HMX3: variants seen among roughly 807,000 people sequenced by gnomAD.
HMX3 encodes the protein H6 family homeobox 3, also known as homeobox protein HMX3.
A neutral mutation model predicts 22.8 loss-of-function variants in HMX3; 8 were observed. That is an observed-to-expected ratio of 0.35 (90% CI 0.21 to 0.63). The LOEUF (loss-of-function observed/expected upper bound fraction) is 0.63. HMX3 is among the 30% of genes least tolerant of loss of function. The pLI is 0.72. For missense variants in HMX3, 527 were observed against 520.6 expected (o/e 1.01, Z -0.12); for synonymous variants, 331 against 250.9 (o/e 1.32, Z -3.02).
At position 123,136,254 on chromosome 10, in the gene HMX3, C is replaced by A; in HGVS notation, c.204C>A (p.Ala68=). 3 of 1,359,076 alleles carry A rather than the reference C, an allele frequency of 2.2e-6. No homozygotes were observed. Among genetic ancestry groups the A allele is most frequent in the South Asian group, 2.1e-5 (1 of 48,546 alleles). 84.2% of individuals were successfully genotyped at this position (1,359,076 alleles called of 1,614,324 possible). A position where few individuals can be genotyped will look rare whatever the true frequency, so the allele number is the denominator to read the frequency against. Residue 68 remains alanine, a synonymous_variant, in exon 1 of 2, where the codon GCC becomes GCA. Transcript: ENST00000357878. The surrounding 1 kb of genome is among the most constrained non-coding windows in gnomAD (Gnocchi z 4.8). ...CGGCTGCCGCCGCCGCCGCCGCTGCCGCTGCCGCGGCGGCCAAGGGGGCCC... is the reference window on the plus strand; with the variant it reads ...CGGCTGCCGCCGCCGCCGCCGCTGCAGCTGCCGCGGCGGCCAAGGGGGCCC... ...PASAAAAAAA[A]AAAAAKGALE...
At position 123,138,998 on chromosome 10, in the gene HMX3, C is replaced by T. The variant is rs1480873480; in HGVS notation, c.*1267C>T. Among the ~76,000 whole-genome samples, 1 of 152,056 alleles carries T rather than the reference C, an allele frequency of 6.6e-6. No individual in the cohort carries two copies. The highest frequency in any genetic ancestry group is 1.5e-5 in the Non-Finnish European group (1 of 68,024). On this transcript the variant is annotated 3_prime_UTR_variant, in exon 2 of 2. Transcript: ENST00000357878. ...CTGAGAAAGCTGTTTCCTCCTCCAC[C>T]GTGGGAAACAGACCTTTTCACTGTA... is the stretch of plus-strand genomic sequence containing the variant.
Position 123,137,762 on chromosome 10 carries a change from G to C in HMX3, c.*31G>C. The C allele has an allele frequency of 1.4e-6, 2 of 1,398,648 alleles. No homozygotes were observed. The highest frequency in any genetic ancestry group is 9.3e-7 in the Non-Finnish European group (1 of 1,076,974). 86.6% of individuals were successfully genotyped at this position (1,398,648 alleles called of 1,614,324 possible). A position where few individuals can be genotyped will look rare whatever the true frequency, so the allele number is the denominator to read the frequency against. On this transcript the variant is annotated 3_prime_UTR_variant, in exon 2 of 2. Transcript: ENST00000357878. The surrounding 1 kb of genome is among the most constrained non-coding windows in gnomAD (Gnocchi z 5.8). ...CAGAGGGGTGGGGGAGGGAGCGCCC[G>C]GCCTCCTTGTCCGGACCCCGGAGGA...
Position 123,138,479 on chromosome 10 carries a change from A to C in HMX3, c.*748A>C, listed in dbSNP as rs1844103045. ...ATTCCTTTTCTATAGAACTGTTTTC[A>C]GAATCCAGAGAGGGAGAGAATTCAT... On this transcript the variant is annotated 3_prime_UTR_variant, in exon 2 of 2. Transcript: ENST00000357878. Among the ~76,000 whole-genome samples the C allele has an allele frequency of 6.6e-6, 1 of 152,210 alleles. No homozygotes were observed. Among genetic ancestry groups the C allele is most frequent in the Admixed American group, 6.5e-5 (1 of 15,292 alleles).
rs56771180 is a variant in HMX3, at chr10:123,137,838, G to A, written c.*107G>A. 0.012 allele frequency: 9,183 copies of A among 767,442 alleles called. 799 individuals are homozygous for A. In the East Asian group the frequency reaches 0.21, roughly 18 times the overall value. The allele number at this position is 767,442 out of a possible 1,614,324, so 47.5% of individuals were successfully genotyped here. A position where few individuals can be genotyped will look rare whatever the true frequency, so the allele number is the denominator to read the frequency against. On this transcript the variant is annotated 3_prime_UTR_variant, in exon 2 of 2. Transcript: ENST00000357878. This position sits in a 1 kb window ranked among gnomAD's most constrained non-coding sequence, Gnocchi z 5.8. ...GAAGTCCAGCGGCCTTCAGGAACTG[G>A]GGCTTGGGCGCGCAGCCTCTGCTTC...
Position 123,137,141 on chromosome 10 carries a change from C to A in HMX3, c.484C>A (p.Pro162Thr). ...TCCGGAGCCACTGCTCAAGGCCGAC[C>A]CCGATCACAAGGAGCTGGACTCCAA... ...DSPEPLLKAD[P>T]DHKELDSKSP... Residue 162 changes from proline to threonine, a missense_variant, in exon 2 of 2, where the codon CCC becomes ACC. Around this residue, in one of 3 missense-constraint regions of HMX3, gnomAD observed 386 missense variants for 337.8 expected, o/e 1.14. Coordinates refer to ENST00000357878, the MANE Select transcript of HMX3 (RefSeq NM_001105574.2). This position sits in a 1 kb window ranked among gnomAD's most constrained non-coding sequence, Gnocchi z 5.8. 1 of 1,608,452 alleles carries A rather than the reference C, an allele frequency of 6.2e-7. No individual in the cohort carries two copies. Among genetic ancestry groups the A allele is most frequent in the Non-Finnish European group, 8.5e-7 (1 of 1,177,698 alleles).
rs750727543 is a variant in HMX3, at chr10:123,137,327, G to T, written c.670G>T (p.Ala224Ser). ...KGAESPEKKPACRKKKTRTVF... is the reference protein window; with the variant it reads ...KGAESPEKKPSCRKKKTRTVF... ...CGCTGAAAGTCCAGAGAAGAAGCCGGCGTGCCGCAAGAAGAAGACGCGCAC... is the reference window on the plus strand; with the variant it reads ...CGCTGAAAGTCCAGAGAAGAAGCCGTCGTGCCGCAAGAAGAAGACGCGCAC... The change falls in exon 2 of 2, where the codon GCG becomes TCG. Residue 224 changes from alanine (A) to serine (S), a missense_variant. Transcript: ENST00000357878. This position sits in a 1 kb window ranked among gnomAD's most constrained non-coding sequence, Gnocchi z 5.8. The T allele has an allele frequency of 6.2e-7, 1 of 1,611,054 alleles. No homozygotes were observed. Among genetic ancestry groups the T allele is most frequent in the South Asian group, 1.1e-5 (1 of 90,790 alleles).
In HMX3 at chr10:123,137,848, G is replaced by T; in HGVS notation, c.*117G>T. 1.5e-6 allele frequency: 1 copy of T among 682,696 alleles called. No homozygotes were observed. Among genetic ancestry groups the T allele is most frequent in the Non-Finnish European group, 2.2e-6 (1 of 445,878 alleles). The allele number at this position is 682,696 out of a possible 1,614,324, so 42.3% of individuals were successfully genotyped here. On this transcript the variant is annotated 3_prime_UTR_variant, in exon 2 of 2. Transcript: ENST00000357878. This position sits in a 1 kb window ranked among gnomAD's most constrained non-coding sequence, Gnocchi z 5.8. ...GGCCTTCAGGAACTGGGGCTTGGGC[G>T]CGCAGCCTCTGCTTCCCCTCCCCCA...
At position 123,136,975 on chromosome 10, in the gene HMX3, G is replaced by A; in HGVS notation, c.401-83G>A. ...TGGGACCTGGAGGCCGGCGCGGGTT[G>A]AGCCTGCCGTCCCCAGGCGCCGGGC... On this transcript the variant is annotated intron_variant, in intron 1 of 1. Coordinates refer to ENST00000357878, the MANE Select transcript of HMX3 (RefSeq NM_001105574.2). This position sits in a 1 kb window ranked among gnomAD's most constrained non-coding sequence, Gnocchi z 4.8. 1 of 1,447,512 alleles carries A rather than the reference G, an allele frequency of 6.9e-7. No homozygotes were observed. The highest frequency in any genetic ancestry group is 9.1e-7 in the Non-Finnish European group (1 of 1,094,818). The allele number at this position is 1,447,512 out of a possible 1,614,324, so 89.7% of individuals were successfully genotyped here.
At position 123,136,117 on chromosome 10, in the gene HMX3, C is replaced by A. The variant is rs201289648; in HGVS notation, c.67C>A (p.Pro23Thr). Residue 23 changes from proline to threonine, a missense_variant, in exon 1 of 2, where the codon CCA becomes ACA. Transcript: ENST00000357878. The surrounding 1 kb of genome is among the most constrained non-coding windows in gnomAD (Gnocchi z 4.8). ...ACAGCCCCAACCGCCGCCGCCCCCC[C>A]CACCCGCTCCCAAGGAGTCCCCGTT... ...SAQPQPPPPP[P>T]PAPKESPFSI... 85 of 1,376,570 alleles carry A rather than the reference C, an allele frequency of 6.2e-5. No individual in the cohort carries two copies. Among genetic ancestry groups the A allele is most frequent in the Admixed American group, 7.6e-5 (2 of 26,348 alleles). 85.3% of individuals were successfully genotyped at this position (1,376,570 alleles called of 1,614,324 possible). A position where few individuals can be genotyped will look rare whatever the true frequency, so the allele number is the denominator to read the frequency against.
chr10:123,136,953 G>C lies in HMX3; in HGVS notation c.401-105G>C. 8 of 1,358,332 alleles carry C rather than the reference G, an allele frequency of 5.9e-6. No individual in the cohort carries two copies. Among genetic ancestry groups the C allele is most frequent in the Non-Finnish European group, 7.8e-6 (8 of 1,019,322 alleles). 84.1% of individuals were successfully genotyped at this position (1,358,332 alleles called of 1,614,324 possible). The stretch of plus-strand genomic sequence containing the variant: ...GGAATGGTGAGGCCTCATGGCCTGG[G>C]ACCTGGAGGCCGGCGCGGGTTGAGC... On this transcript the variant is annotated intron_variant, in intron 1 of 1. Transcript: ENST00000357878. This position sits in a 1 kb window ranked among gnomAD's most constrained non-coding sequence, Gnocchi z 4.8.
Position 123,137,031 on chromosome 10 carries a change from T to TGTGC in HMX3, c.401-24_401-21dup. 1 of 1,580,224 alleles carries TGTGC rather than the reference T, an allele frequency of 6.3e-7. No homozygotes were observed. Among genetic ancestry groups the TGTGC allele is most frequent in the Non-Finnish European group, 8.6e-7 (1 of 1,164,568 alleles). ...TCAAGGCTGTGTCGGTGTGCATGTG[T>TGTGC]GTGCGTCCGTCTGTCTGTCTCCCCA... is the stretch of plus-strand genomic sequence containing the variant. On this transcript the variant is annotated intron_variant, in intron 1 of 1. Transcript: ENST00000357878. The surrounding 1 kb of genome is among the most constrained non-coding windows in gnomAD (Gnocchi z 5.8).
Position 123,136,165 on chromosome 10 carries a change from G to C in HMX3, c.115G>C (p.Gly39Arg), listed in dbSNP as rs1183153696. 4 of 1,259,064 alleles carry C rather than the reference G, an allele frequency of 3.2e-6. No individual in the cohort carries two copies. Among genetic ancestry groups the C allele is most frequent in the Admixed American group, 6.1e-5 (2 of 32,578 alleles). 78.0% of individuals were successfully genotyped at this position (1,259,064 alleles called of 1,614,324 possible). The change falls in exon 1 of 2, where the codon GGA becomes CGA. Residue 39 changes from glycine to arginine, a missense_variant. Physicochemically the swap from Gly to Arg is moderately radical, Grantham distance 125. Transcript: ENST00000357878. The surrounding 1 kb of genome is among the most constrained non-coding windows in gnomAD (Gnocchi z 4.8). ...GTTCTCCATCAAGAACCTGCTCAAC[G>C]GAGACCACCACCGGCCGCCCCCTAA... ...SPFSIKNLLNGDHHRPPPKPQ... is the reference protein window; with the variant it reads ...SPFSIKNLLNRDHHRPPPKPQ...
Position 123,136,454 on chromosome 10 carries a change from C to T in HMX3, c.400+4C>T. On this transcript the variant is annotated splice_donor_region_variant and intron_variant, in intron 1 of 1. Coordinates refer to ENST00000357878, the MANE Select transcript of HMX3 (RefSeq NM_001105574.2). The surrounding 1 kb of genome is among the most constrained non-coding windows in gnomAD (Gnocchi z 4.8). ...GGCCACCTCCCGCGACCTGAAGGTA[C>T]CGACCTCTCTTTGAACTTTCGTTGT... 3 of 1,415,190 alleles carry T rather than the reference C, an allele frequency of 2.1e-6. No homozygotes were observed. Among genetic ancestry groups the T allele is most frequent in the South Asian group, 1.6e-5 (1 of 61,636 alleles). The allele number at this position is 1,415,190 out of a possible 1,614,324, so 87.7% of individuals were successfully genotyped here.
Position 123,136,436 on chromosome 10 carries a change from T to C in HMX3, c.386T>C (p.Leu129Pro). Residue 129 changes from leucine to proline, a missense_variant, in exon 1 of 2, where the codon CTC becomes CCC. Around this residue, in one of 3 missense-constraint regions of HMX3, gnomAD observed 386 missense variants for 337.8 expected, o/e 1.14. Transcript: ENST00000357878. The surrounding 1 kb of genome is among the most constrained non-coding windows in gnomAD (Gnocchi z 4.8). Reference protein sequence around the residue: ...PYTLTPAGGHLPRPEASEKAL... With the variant: ...PYTLTPAGGHPPRPEASEKAL... ...ACCCTGACCCCCGCCGGCGGCCACC[T>C]CCCGCGACCTGAAGGTACCGACCTC... 6.9e-7 allele frequency: 1 copy of C among 1,442,796 alleles called. No individual in the cohort carries two copies. Among genetic ancestry groups the C allele is most frequent in the South Asian group, 1.5e-5 (1 of 66,824 alleles). The allele number at this position is 1,442,796 out of a possible 1,614,324, so 89.4% of individuals were successfully genotyped here. A position where few individuals can be genotyped will look rare whatever the true frequency, so the allele number is the denominator to read the frequency against.
Position 123,136,945 on chromosome 10 carries a change from T to G in HMX3, c.401-113T>G. 7.8e-7 allele frequency: 1 copy of G among 1,286,924 alleles called. No homozygotes were observed. The allele number at this position is 1,286,924 out of a possible 1,614,324, so 79.7% of individuals were successfully genotyped here. A position where few individuals can be genotyped will look rare whatever the true frequency, so the allele number is the denominator to read the frequency against. On this transcript the variant is annotated intron_variant, in intron 1 of 1. Coordinates refer to ENST00000357878, the MANE Select transcript of HMX3 (RefSeq NM_001105574.2). The surrounding 1 kb of genome is among the most constrained non-coding windows in gnomAD (Gnocchi z 4.8). ...AGCCCGCGGGAATGGTGAGGCCTCA[T>G]GGCCTGGGACCTGGAGGCCGGCGCG...
rs1844094495 is a variant in HMX3, at chr10:123,137,738, AGAGGGGTGGGGGAGGG to A, written c.*8_*23del. The A allele has an allele frequency of 2.1e-6, 3 of 1,428,150 alleles. No individual in the cohort carries two copies. Among genetic ancestry groups the A allele is most frequent in the Non-Finnish European group, 2.7e-6 (3 of 1,097,594 alleles). The allele number at this position is 1,428,150 out of a possible 1,614,324, so 88.5% of individuals were successfully genotyped here. ...GCTGCTACGGCCGGTCTGAGGCCCCAGAGGGGTGGGGGAGGGAGCGCCCGGCCTCCTTGTCCGGACC... is the reference window on the plus strand; with the variant it reads ...GCTGCTACGGCCGGTCTGAGGCCCCAAGCGCCCGGCCTCCTTGTCCGGACC... On this transcript the variant is annotated 3_prime_UTR_variant, in exon 2 of 2. Coordinates refer to ENST00000357878, the MANE Select transcript of HMX3 (RefSeq NM_001105574.2). The surrounding 1 kb of genome is among the most constrained non-coding windows in gnomAD (Gnocchi z 5.8).
rs1844111816 is a variant in HMX3 at position 123,139,098 on chromosome 10, T to A, written c.*1367T>A. Among the ~76,000 whole-genome samples the A allele has an allele frequency of 6.6e-6, 1 of 152,136 alleles. No homozygotes were observed. The highest frequency in any genetic ancestry group is 1.5e-5 in the Non-Finnish European group (1 of 68,022). Reference sequence around the variant, plus strand: ...GGAAGAAAGAAACAAGCTTAGGTAGTGATGCTCAAAGGAGTAAGTTAGGCA... The same window carrying A: ...GGAAGAAAGAAACAAGCTTAGGTAGAGATGCTCAAAGGAGTAAGTTAGGCA... On this transcript the variant is annotated 3_prime_UTR_variant, in exon 2 of 2. Coordinates refer to ENST00000357878, the MANE Select transcript of HMX3 (RefSeq NM_001105574.2).
chr10:123,136,068 G>A lies in HMX3; in HGVS notation c.18G>A (p.Pro6=), dbSNP rs771457775. MPEPG[P]DAAGTASAQP... Reference sequence around the variant, plus strand: ...AGGGGACCATGCCGGAACCCGGGCCGGACGCTGCCGGCACCGCCAGCGCAC... The same window carrying A: ...AGGGGACCATGCCGGAACCCGGGCCAGACGCTGCCGGCACCGCCAGCGCAC... Residue 6 remains proline (P), a synonymous_variant, in exon 1 of 2, where the codon CCG becomes CCA. Transcript: ENST00000357878. This position sits in a 1 kb window ranked among gnomAD's most constrained non-coding sequence, Gnocchi z 4.8. 81 of 1,392,726 alleles carry A rather than the reference G, an allele frequency of 5.8e-5. No individual in the cohort carries two copies. In the South Asian group the frequency reaches 1.2e-3, roughly 21 times the overall value. 86.3% of individuals were successfully genotyped at this position (1,392,726 alleles called of 1,614,324 possible). A position where few individuals can be genotyped will look rare whatever the true frequency, so the allele number is the denominator to read the frequency against.
In HMX3 at chr10:123,136,402, T is replaced by C. The variant is rs995222281; in HGVS notation, c.352T>C (p.Tyr118His). ...HYLERSPAWW[Y>H]PYTLTPAGGH... Reference sequence around the variant, plus strand: ...CCTGGAGCGCTCCCCAGCCTGGTGGTACCCCTACACCCTGACCCCCGCCGG... The same window carrying C: ...CCTGGAGCGCTCCCCAGCCTGGTGGCACCCCTACACCCTGACCCCCGCCGG... Residue 118 changes from tyrosine (Y) to histidine (H), a missense_variant, in exon 1 of 2, where the codon TAC becomes CAC. By Grantham distance (83) the Tyr-to-His change is moderately conservative. Around this residue, in one of 3 missense-constraint regions of HMX3, gnomAD observed 386 missense variants for 337.8 expected, o/e 1.14. Transcript: ENST00000357878. The surrounding 1 kb of genome is among the most constrained non-coding windows in gnomAD (Gnocchi z 4.8). 1 of 1,557,288 alleles carries C rather than the reference T, an allele frequency of 6.4e-7. No individual in the cohort carries two copies. The highest frequency in any genetic ancestry group is 8.7e-7 in the Non-Finnish European group (1 of 1,152,328).
Sources: gnomAD v4.1 joint callset for allele counts (sites outside exome capture counted in the v4.1 genomes callset) on GRCh38, gnomAD v4.1.1 for gene constraint, gnomAD v4.1.1 regional missense constraint, Gnocchi (gnomAD v3.1) non-coding constraint, MANE v1.5 for transcripts, NCBI Gene and HGNC (gene_info 2026-07-23, HGNC 2026-07-21) for gene names.